CYP2S1: variants seen among roughly 807,000 people sequenced by gnomAD.
CYP2S1 encodes cytochrome P450 family 2 subfamily S member 1, also known as cytochrome P450 2S1.
CYP2S1 carries 32 observed loss-of-function variants against 43.5 expected under a neutral mutation model. That is an observed-to-expected ratio of 0.74 (90% confidence interval 0.56 to 0.99). CYP2S1 has a LOEUF of 0.99. CYP2S1 is among the 50% of genes least tolerant of loss of function. CYP2S1 has a pLI of 0.00. For synonymous variants in CYP2S1, 283 were observed against 302.9 expected (o/e 0.93, Z 0.68); for missense variants, 575 against 673.9 (o/e 0.85, Z 1.62).
rs767258778 is a variant in CYP2S1, at chr19:41,198,521, C to T, written c.553C>T (p.Leu185Phe). The change falls in exon 4 of 9, where the codon CTC becomes TTC. Residue 185 changes from leucine to phenylalanine, a missense_variant. Physicochemically the swap from Leu to Phe is conservative, Grantham distance 22. Around this residue, in one of 2 missense-constraint regions of CYP2S1, gnomAD observed 353 missense variants for 367.6 expected, o/e 0.96. Transcript: ENST00000310054. The surrounding 1 kb of genome is among the most constrained non-coding windows in gnomAD (Gnocchi z 4.9). Reference sequence around the variant, plus strand: ...GGCCACCTCCAACGTAGTCTGCTCCCTCCTCTTTGGCCTCCGCTTCTCCTA... The same window carrying T: ...GGCCACCTCCAACGTAGTCTGCTCCTTCCTCTTTGGCCTCCGCTTCTCCTA... The part of the protein sequence containing the change: ...AQATSNVVCS[L>F]LFGLRFSYED... 1 of 1,614,182 alleles carries T rather than the reference C, an allele frequency of 6.2e-7. No individual in the cohort carries two copies. Among genetic ancestry groups the T allele is most frequent in the South Asian group, 1.1e-5 (1 of 91,090 alleles).
intron 5 of CYP2S1, among the ~76,000 whole-genome samples, chr19:41,200,939 A>G (rs1256462385): frequency 6.6e-6 from 1 of 151,974 alleles, no homozygotes. Context: ...TTAGCCAGGC[A>G]TGGTGGTGCG....
At position 41,206,822 on chromosome 19, in the gene CYP2S1, G is replaced by A. The variant is rs2122173338; in HGVS notation, c.*334G>A. ...TCTGCAGCCCACACGTGGGAGTCTG[G>A]CTGTCACCTTCACAAGCCACAGAAA... On this transcript the variant is annotated 3_prime_UTR_variant, in exon 9 of 9. Transcript: ENST00000310054. 1 of 518,116 alleles carries A rather than the reference G, an allele frequency of 1.9e-6. No homozygotes were observed. Among genetic ancestry groups the A allele is most frequent in the East Asian group, 5.3e-5 (1 of 18,990 alleles). 32.1% of individuals were successfully genotyped at this position (518,116 alleles called of 1,614,324 possible).
Position 41,196,388 on chromosome 19 carries a change from C to T in CYP2S1, c.344-1391C>T, listed in dbSNP as rs1327247702. ...GGCTTTTGTTTTTCCTGGGAGCAGT[C>T]GATTTTAAGCAGGGAACAGCTGTAT... On this transcript the variant is annotated intron_variant, in intron 2 of 8. Coordinates refer to ENST00000310054, the MANE Select transcript of CYP2S1 (RefSeq NM_030622.8). Among the ~76,000 whole-genome samples, 22 of 152,000 alleles carry T rather than the reference C, an allele frequency of 1.4e-4. 1 individual carries two copies. Among genetic ancestry groups the T allele is most frequent in the Admixed American group, 1.2e-3 (19 of 15,236 alleles).
Position 41,199,245 on chromosome 19 carries a change from G to A in CYP2S1, c.834+357G>A, listed in dbSNP as rs527348743. Reference sequence around the variant, plus strand: ...GGATCACTTCATCCCATCCCCTGCAGCCTCCCCAGACTTTTATGTAAATTC... The same window carrying A: ...GGATCACTTCATCCCATCCCCTGCAACCTCCCCAGACTTTTATGTAAATTC... On this transcript the variant is annotated intron_variant, in intron 5 of 8. Coordinates refer to ENST00000310054, the MANE Select transcript of CYP2S1 (RefSeq NM_030622.8). Among the ~76,000 whole-genome samples, 4 of 152,032 alleles carry A rather than the reference G, an allele frequency of 2.6e-5. No individual in the cohort carries two copies. The South Asian group carries it at 8.3e-4, about 31-fold the overall frequency.
Position 41,198,393 on chromosome 19 carries a change from T to C in CYP2S1, c.494-69T>C. 6.3e-7 allele frequency: 1 copy of C among 1,580,506 alleles called. No individual in the cohort carries two copies. The highest frequency in any genetic ancestry group is 8.6e-7 in the Non-Finnish European group (1 of 1,162,690). On this transcript the variant is annotated intron_variant, in intron 3 of 8. Transcript: ENST00000310054. The surrounding 1 kb of genome is among the most constrained non-coding windows in gnomAD (Gnocchi z 4.9). ...GCCTCCCTGTCTCTCTCTGGTTGGG[T>C]TCAGCTCCAACCTGCTCCCCTCTGC...
rs768853500 is a variant in CYP2S1 at position 41,201,308 on chromosome 19, G to A, written c.912G>A (p.Thr304=). The stretch of plus-strand genomic sequence containing the variant: ...TCATTTATTTGCTGTTTGCTGGGAC[G>A]ATGACGGTCAGCACCACGGTCGGCT... ...MTVIYLLFAG[T]MTVSTTVGYT... The change falls in exon 6 of 9, where the codon ACG becomes ACA. Residue 304 remains threonine (T), a synonymous_variant. Coordinates refer to ENST00000310054, the MANE Select transcript of CYP2S1 (RefSeq NM_030622.8). 6.7e-5 allele frequency: 108 copies of A among 1,614,032 alleles called. No homozygotes were observed. The highest frequency in any genetic ancestry group is 7.7e-5 in the Non-Finnish European group (91 of 1,180,046).
chr19:41,198,322 T>G lies in CYP2S1; in HGVS notation c.494-140T>G. On this transcript the variant is annotated intron_variant, in intron 3 of 8. Coordinates refer to ENST00000310054, the MANE Select transcript of CYP2S1 (RefSeq NM_030622.8). The surrounding 1 kb of genome is among the most constrained non-coding windows in gnomAD (Gnocchi z 4.9). ...CTGTCCCTATCTGTCTGTATCCTTC[T>G]TTGCCTGTTTAGCTCTCTCCCTGCG... 1 of 1,093,492 alleles carries G rather than the reference T, an allele frequency of 9.1e-7. No individual in the cohort carries two copies. The highest frequency in any genetic ancestry group is 1.3e-6 in the Non-Finnish European group (1 of 757,864). The allele number at this position is 1,093,492 out of a possible 1,614,324, so 67.7% of individuals were successfully genotyped here.
chr19:41,197,869 G>A lies in CYP2S1; in HGVS notation c.434G>A (p.Gly145Asp). The A allele has an allele frequency of 1.9e-6, 3 of 1,614,154 alleles. No individual in the cohort carries two copies. Among genetic ancestry groups the A allele is most frequent in the Non-Finnish European group, 2.5e-6 (3 of 1,180,036 alleles). Residue 145 changes from glycine (G) to aspartate (D), a missense_variant, in exon 3 of 9, where the codon GGC becomes GAC. Physicochemically the swap from Gly to Asp is moderately conservative, Grantham distance 94. Transcript: ENST00000310054. Reference sequence around the variant, plus strand: ...GACCTGGGCATGGGGAAGCGAGAAGGCGAGGAGCTGATCCAGGCGGAGGCC... The same window carrying A: ...GACCTGGGCATGGGGAAGCGAGAAGACGAGGAGCTGATCCAGGCGGAGGCC... The part of the protein sequence containing the change: ...LRDLGMGKRE[G>D]EELIQAEARC...
intron 6 of CYP2S1, among the ~76,000 whole-genome samples, chr19:41,203,074 T>C (rs932698370): frequency 3.3e-5 from 5 of 151,774 alleles, no homozygotes; most frequent in Non-Finnish European, 5.9e-5. Flanking sequence ...CACTCCAGCC[T>C]GGGTGGCAGA....
intron 2 of CYP2S1, 83 bp downstream of exon 2, chr19:41,194,792 C>CTGTTGCCTCA: frequency 6.6e-7 from 1 of 1,519,960 alleles, no homozygotes; most frequent in Non-Finnish European, 8.8e-7. Context: ...CTTAGTCCCT[C>CTGTTGCCTCA]TGTTGCCTCA....
At chr19:41,201,912 T>C (rs1257083801) in intron 6 of CYP2S1, among the ~76,000 whole-genome samples, 1 of 152,014 alleles carries the variant, frequency 6.6e-6, no homozygotes, top group African/African-American at 2.4e-5. Context: ...TTAGGTGCCT[T>C]ATCCTGAGCC....
chr19:41,203,713 C>G, intron 7 of CYP2S1, 76 bp downstream of exon 7: 1 of 1,393,060 alleles, frequency 7.2e-7, no homozygotes, highest in Non-Finnish European at 9.4e-7. Flanking sequence ...GTCAGTGTCT[C>G]CCTGACTTTT....
In CYP2S1 at chr19:41,197,945, C is replaced by T. The variant is rs1247281640; in HGVS notation, c.493+17C>T. 1.2e-6 allele frequency: 2 copies of T among 1,602,722 alleles called. No individual in the cohort carries two copies. The highest frequency in any genetic ancestry group is 4.5e-5 in the East Asian group (2 of 44,674). On this transcript the variant is annotated intron_variant, in intron 3 of 8. Coordinates refer to ENST00000310054, the MANE Select transcript of CYP2S1 (RefSeq NM_030622.8). The stretch of plus-strand genomic sequence containing the variant: ...GGACAGAAGGTCAGCATGGCGGGGT[C>T]ACCCCAGGGTCTCCAGCCGAGTGAA...
chr19:41,194,452 C>T, intron 1 of CYP2S1, 92 bp from the exon 2 acceptor site: 2 of 1,442,326 alleles, frequency 1.4e-6, no homozygotes, highest in Non-Finnish European at 9.2e-7. Context: ...GAAGCTAGAC[C>T]CGGTGGCTCC....
Position 41,206,534 on chromosome 19 carries a change from G to A in CYP2S1, c.*46G>A, listed in dbSNP as rs1193206194. 2 of 1,607,332 alleles carry A rather than the reference G, an allele frequency of 1.2e-6. No homozygotes were observed. The highest frequency in any genetic ancestry group is 1.7e-6 in the Non-Finnish European group (2 of 1,174,202). On this transcript the variant is annotated 3_prime_UTR_variant, in exon 9 of 9. Transcript: ENST00000310054. Reference sequence around the variant, plus strand: ...GTGGGTGCCCAGGACGGTGCCTCCAGCCTCAACAGTGGGCATGGACAGGGT... The same window carrying A: ...GTGGGTGCCCAGGACGGTGCCTCCAACCTCAACAGTGGGCATGGACAGGGT...
In CYP2S1 at chr19:41,206,479, G is replaced by A. The variant is rs1003339108; in HGVS notation, c.1506G>A (p.Gln502=). ...VRPTDLHSTT[Q]TR is the part of the protein sequence containing the mutation. Reference sequence around the variant, plus strand: ...CCACTGACCTTCACTCCACCACGCAGACCAGATGAAGGAAGGCAACTTGGA... The same window carrying A: ...CCACTGACCTTCACTCCACCACGCAAACCAGATGAAGGAAGGCAACTTGGA... Residue 502 remains glutamine (Q), a synonymous_variant, in exon 9 of 9, where the codon CAG becomes CAA. Transcript: ENST00000310054. 3 of 1,613,996 alleles carry A rather than the reference G, an allele frequency of 1.9e-6. No homozygotes were observed. Among genetic ancestry groups the A allele is most frequent in the African/African-American group, 2.7e-5 (2 of 74,908 alleles).
Position 41,193,272 on chromosome 19 carries a change from C to A in CYP2S1, c.8C>A (p.Ala3Glu). Residue 3 changes from alanine (A) to glutamate (E), a missense_variant, in exon 1 of 9, where the codon GCG becomes GAG. Physicochemically the swap from Ala to Glu is moderately radical, Grantham distance 107. Transcript: ENST00000310054. The stretch of plus-strand genomic sequence containing the variant: ...AGGAGCCGACCTGCCGAGATGGAGG[C>A]GACCGGCACCTGGGCGCTGCTGCTG... MEATGTWALLLAL... is the reference protein window; with the variant it reads MEETGTWALLLAL... 1 of 1,540,454 alleles carries A rather than the reference C, an allele frequency of 6.5e-7. No individual in the cohort carries two copies. Among genetic ancestry groups the A allele is most frequent in the Non-Finnish European group, 8.7e-7 (1 of 1,146,178 alleles).
intron 7 of CYP2S1, among the ~76,000 whole-genome samples, chr19:41,204,369 T>G (rs1030355706): frequency 5.9e-5 from 9 of 151,530 alleles, no homozygotes; most frequent in African/African-American, 2.2e-4. Context: ...CTCTTGACCC[T>G]TAGCCCCTGC....
At chr19:41,204,401 GTCTC>G (rs60812447) in intron 7 of CYP2S1, among the ~76,000 whole-genome samples, 26,051 of 151,328 alleles carry the variant, frequency 0.17, 2,436 homozygotes, top group East Asian at 0.34. Context: ...TCTCTCCTCT[GTCTC>G]TCTCTCTCAA....
Sources: allele counts gnomAD v4.1 joint callset (sites outside exome capture counted in the v4.1 genomes callset), GRCh38; gene constraint gnomAD v4.1.1; regional missense constraint gnomAD v4.1.1; non-coding constraint Gnocchi (gnomAD v3.1); transcripts MANE v1.5; gene names NCBI Gene and HGNC (gene_info 2026-07-23, HGNC 2026-07-21).